Variants in CD226 observed in about 807,000 individuals in gnomAD.
CD226 encodes the protein CD226 molecule.
A neutral mutation model predicts 34.9 loss-of-function variants in CD226; 24 were observed. The observed-to-expected ratio is 0.69, with a 90% CI of 0.50 to 0.97. The LOEUF (loss-of-function observed/expected upper bound fraction) is 0.97. Among genes scored for constraint, CD226 ranks in the 50% least tolerant of loss-of-function variants. The pLI, the probability that CD226 is intolerant of heterozygous loss-of-function variation, is 0.00. For missense variants in CD226, 397 were observed against 412.7 expected (o/e 0.96, Z 0.33); for synonymous variants, 148 against 147.4 (o/e 1.00, Z -0.03).
exon 1 of CD226, chr18:69,956,828 T>C (rs1409658927): frequency 6.6e-6 from 1 of 152,300 alleles, no homozygotes; most frequent in Non-Finnish European, 1.5e-5. Flanking sequence ...TATCGTATCC[T>C]GTTTATCGTG....
chr18:69,954,124 G>T (rs2055877269), intron 1 of CD226, among the ~76,000 whole-genome samples: 1 of 151,974 alleles, frequency 6.6e-6, no homozygotes, highest in African/African-American at 2.4e-5. Context: ...TTCACCCCAG[G>T]TCTTACCAAT....
At chr18:69,925,657 G>C (rs1368692219) in intron 2 of CD226, among the ~76,000 whole-genome samples, 1 of 151,920 alleles carries the variant, frequency 6.6e-6, no homozygotes, top group Non-Finnish European at 1.5e-5. Flanking sequence ...TATACAAATT[G>C]CCCTATTCTG....
At chr18:69,927,738 T>G (rs546763173) in intron 2 of CD226, among the ~76,000 whole-genome samples, 6 of 152,324 alleles carry the variant, frequency 3.9e-5, no homozygotes, top group African/African-American at 1.4e-4. Flanking sequence ...TGAAGAATAT[T>G]CCATTGTATA....
chr18:69,912,098 T>C (rs1234876405), intron 2 of CD226, among the ~76,000 whole-genome samples: 2 of 152,198 alleles, frequency 1.3e-5, no homozygotes, highest in Non-Finnish European at 2.9e-5. Flanking sequence ...GCTAGCCATA[T>C]GTAGAAAGCT....
chr18:69,919,882 T>A (rs1326987952), intron 2 of CD226, among the ~76,000 whole-genome samples: 1 of 151,916 alleles, frequency 6.6e-6, no homozygotes, highest in African/African-American at 2.4e-5. Flanking sequence ...CACTCTTTTT[T>A]TTTTTTTTTT....
chr18:69,901,875 A>T (rs987173947), intron 2 of CD226, among the ~76,000 whole-genome samples: 11 of 146,804 alleles, frequency 7.5e-5, no homozygotes, highest in African/African-American at 2.3e-4. Context: ...CAAGACTCTG[A>T]CTCAAAAAAA....
At position 69,853,313 on chromosome 18, in the gene CD226, A is replaced by G. The variant is rs1245557519; in HGVS notation, c.*11001T>C. On this transcript the variant is annotated 3_prime_UTR_variant, in exon 6 of 6. Coordinates refer to ENST00000582621, the MANE Select transcript of CD226 (RefSeq NM_001303618.2). ...TTTATTTCACATTAAAATGACTCTCACACATTCTTAAAAAACATTCCACAA... is the reference window on the plus strand; with the variant it reads ...TTTATTTCACATTAAAATGACTCTCGCACATTCTTAAAAAACATTCCACAA... 1.3e-5 allele frequency: 2 copies of G among 152,216 alleles called. No individual in the cohort carries two copies. The highest frequency in any genetic ancestry group is 2.9e-5 in the Non-Finnish European group (2 of 68,050). The allele number at this position is 152,216 out of a possible 1,614,324, so 9.4% of individuals were successfully genotyped here.
intron 2 of CD226, among the ~76,000 whole-genome samples, chr18:69,931,689 G>C (rs961974524): frequency 1.3e-5 from 2 of 152,180 alleles, no homozygotes; most frequent in Non-Finnish European, 2.9e-5. Context: ...TAAAATGTAA[G>C]ACCTGAATCT....
At chr18:69,949,792 A>T (rs2055832876), upstream of CD226, among the ~76,000 whole-genome samples, 1 of 152,012 alleles carries the variant, frequency 6.6e-6, no homozygotes. Context: ...AGTCTCAGAC[A>T]CACAATCACA....
chr18:69,932,617 C>A (rs1011434767), intron 2 of CD226, among the ~76,000 whole-genome samples: 1 of 152,194 alleles, frequency 6.6e-6, no homozygotes, highest in African/African-American at 2.4e-5. Flanking sequence ...CCTCATTTTG[C>A]TTTTGCGCCA....
chr18:69,930,385 G>A (rs1259715745), intron 2 of CD226, among the ~76,000 whole-genome samples: 1 of 152,148 alleles, frequency 6.6e-6, no homozygotes, highest in Non-Finnish European at 1.5e-5. Flanking sequence ...TTTGTGAAAG[G>A]AGCAAATGTA....
intron 2 of CD226, among the ~76,000 whole-genome samples, chr18:69,899,383 C>T (rs1985477606): frequency 6.6e-6 from 1 of 152,222 alleles, no homozygotes; most frequent in Non-Finnish European, 1.5e-5. Context: ...TTCGTAAACC[C>T]AAGCCTCTGT....
intron 1 of CD226, among the ~76,000 whole-genome samples, chr18:69,955,131 G>A (rs1378614210): frequency 3.3e-5 from 5 of 152,036 alleles, no homozygotes; most frequent in African/African-American, 1.2e-4. Flanking sequence ...GGTGGGGACG[G>A]GGAACACTCT....
chr18:69,924,762 A>AGTGAGGC (rs1407900529), intron 2 of CD226, among the ~76,000 whole-genome samples: 1 of 151,908 alleles, frequency 6.6e-6, no homozygotes, highest in Non-Finnish European at 1.5e-5. Context: ...ACAAATAAGC[A>AGTGAGGC]GTGAGGCCCA....
intron 3 of CD226, among the ~76,000 whole-genome samples, chr18:69,889,229 T>C (rs1984741183): frequency 6.6e-6 from 1 of 152,044 alleles, no homozygotes; most frequent in South Asian, 2.1e-4. Context: ...GTAGAGGTTA[T>C]TTTAGCTTGT....
intron 2 of CD226, among the ~76,000 whole-genome samples, chr18:69,920,653 A>G (rs530510310): frequency 6.6e-6 from 1 of 152,310 alleles, no homozygotes; most frequent in Non-Finnish European, 1.5e-5. Flanking sequence ...TATACTAAGT[A>G]TTTATAATGA....
At chr18:69,900,453 C>A (rs1198130392) in intron 2 of CD226, among the ~76,000 whole-genome samples, 1 of 152,148 alleles carries the variant, frequency 6.6e-6, no homozygotes, top group African/African-American at 2.4e-5. Context: ...ATTTTTCTGG[C>A]CGGGCGCGGT....
chr18:69,950,057 TACATGCACTCACAC>T (rs2055836848), upstream of CD226, among the ~76,000 whole-genome samples: 2 of 151,634 alleles, frequency 1.3e-5, no homozygotes, highest in South Asian at 4.2e-4. Context: ...CAAACACGTA[TACATGCACTCACAC>T]ACATGCACAC....
chr18:69,926,072 T>C (rs1320532295), intron 2 of CD226, among the ~76,000 whole-genome samples: 1 of 151,990 alleles, frequency 6.6e-6, no homozygotes, highest in Non-Finnish European at 1.5e-5. Context: ...GAACCCAGGA[T>C]GTGGAGGTCG....
Sources: allele counts gnomAD v4.1 joint callset (sites outside exome capture counted in the v4.1 genomes callset), GRCh38; gene constraint gnomAD v4.1.1; transcripts MANE v1.5; gene names NCBI Gene and HGNC (gene_info 2026-07-23, HGNC 2026-07-21).